The following SDK1 variants were observed in gnomAD, a reference collection of about 807,000 sequenced individuals.
SDK1 encodes sidekick cell adhesion molecule 1.
In SDK1, 157 loss-of-function variants were observed where a neutral mutation model predicts 245.5. The observed-to-expected ratio is 0.64, with a 90% CI of 0.56 to 0.73. SDK1 has a LOEUF of 0.73. Among genes scored for constraint, SDK1 ranks in the 30% least tolerant of loss-of-function variants. The pLI is 0.00. For missense variants in SDK1, 3,583 were observed against 3,002.3 expected (o/e 1.19, Z -4.52); for synonymous variants, 1,647 against 1,278.5 (o/e 1.29, Z -6.15).
At chr7:3,543,850 T>C (rs528863366) in intron 1 of SDK1, among the ~76,000 whole-genome samples, 1 of 152,336 alleles carries the variant, frequency 6.6e-6, no homozygotes, top group African/African-American at 2.4e-5. Flanking sequence ...CTTAGTGACT[T>C]CAGAAGACCC....
In SDK1 at chr7:3,644,838, C is replaced by T. The variant is rs932358092; in HGVS notation, c.713+2733C>T. ...GGGGCAGGGGGTGGCAGGCAAGATACATTCTTGTATAAATATTCTAGAAGT... is the reference window on the plus strand; with the variant it reads ...GGGGCAGGGGGTGGCAGGCAAGATATATTCTTGTATAAATATTCTAGAAGT... On this transcript the variant is annotated intron_variant, in intron 4 of 44. Transcript: ENST00000404826. Among the ~76,000 whole-genome samples, 3 of 138,834 alleles carry T rather than the reference C, an allele frequency of 2.2e-5. No individual in the cohort carries two copies. The Admixed American group carries it at 2.2e-4, about 10-fold the overall frequency. 91.1% of individuals were successfully genotyped at this position (138,834 alleles called of 152,430 possible).
At chr7:3,493,191 T>C (rs1781916502) in intron 1 of SDK1, among the ~76,000 whole-genome samples, 1 of 152,114 alleles carries the variant, frequency 6.6e-6, no homozygotes, top group African/African-American at 2.4e-5. Context: ...GACCTCATAA[T>C]CCTCACACCT....
rs139392703 is a variant in SDK1 at position 4,124,846 on chromosome 7, G to A, written c.3824-2535G>A. ...GATGAGTGAATGGATGGATGGATAG[G>A]TGATGGGCGAATGGATGGATGGGTG... On this transcript the variant is annotated intron_variant, in intron 25 of 44. Transcript: ENST00000404826. Among the ~76,000 whole-genome samples the A allele has an allele frequency of 2.1e-3, 315 of 151,958 alleles. 1 individual carries two copies. The highest frequency in any genetic ancestry group is 1.1e-3 in the Non-Finnish European group (76 of 67,948).
At chr7:3,948,118 A>C (rs535468823) in intron 5 of SDK1, among the ~76,000 whole-genome samples, 1 of 152,264 alleles carries the variant, frequency 6.6e-6, no homozygotes, top group African/African-American at 2.4e-5. Context: ...ATTCTACTGA[A>C]ATGTTTTTGT....
chr7:3,387,332 C>G (rs1336375459), intron 1 of SDK1, among the ~76,000 whole-genome samples: 1 of 152,114 alleles, frequency 6.6e-6, no homozygotes, highest in African/African-American at 2.4e-5. Flanking sequence ...TTAGAGATTC[C>G]TCATCTCCTC....
At chr7:3,937,602 A>G (rs1432986728) in intron 5 of SDK1, among the ~76,000 whole-genome samples, 1 of 152,130 alleles carries the variant, frequency 6.6e-6, no homozygotes, top group Non-Finnish European at 1.5e-5. Context: ...AATCTTAGCC[A>G]CTCTGCCTAG....
chr7:3,924,442 C>T (rs1205497744), intron 5 of SDK1, among the ~76,000 whole-genome samples: 1 of 152,154 alleles, frequency 6.6e-6, no homozygotes, highest in East Asian at 1.9e-4. Flanking sequence ...CTGAGCACGT[C>T]GTGGTGACGG....
rs73673252 is a variant in SDK1 at position 4,026,738 on chromosome 7, G to A, written c.2602+9386G>A. Reference sequence around the variant, plus strand: ...TGTTTAATGCAGTGAGAACCTTCAGGTCTATCAAAACTGCAAGCACCATAA... The same window carrying A: ...TGTTTAATGCAGTGAGAACCTTCAGATCTATCAAAACTGCAAGCACCATAA... On this transcript the variant is annotated intron_variant, in intron 17 of 44. Transcript: ENST00000404826. This position sits in a 1 kb window ranked among gnomAD's most constrained non-coding sequence, Gnocchi z 4.1. Among the ~76,000 whole-genome samples the A allele has an allele frequency of 1.3e-5, 2 of 152,264 alleles. No individual in the cohort carries two copies. The highest frequency in any genetic ancestry group is 3.9e-4 in the East Asian group (2 of 5,180).
intron 4 of SDK1, among the ~76,000 whole-genome samples, chr7:3,702,320 A>T (rs957295687): frequency 1.3e-5 from 2 of 152,176 alleles, no homozygotes; most frequent in African/African-American, 4.8e-5. Context: ...AAGACGAGAC[A>T]TTTTACTATT....
chr7:3,698,692 G>C (rs1199843664), intron 4 of SDK1, among the ~76,000 whole-genome samples: 1 of 152,112 alleles, frequency 6.6e-6, no homozygotes, highest in Non-Finnish European at 1.5e-5. Context: ...TCTTGGTGAG[G>C]GCTTTCTTCC....
chr7:3,328,256 TGTG>T (rs1451540250), intron 1 of SDK1, among the ~76,000 whole-genome samples: 5 of 152,130 alleles, frequency 3.3e-5, no homozygotes, highest in Admixed American at 1.3e-4. Flanking sequence ...ATTAGTATAT[TGTG>T]GTGTTATTTT....
chr7:4,011,682 G>C (rs1428839284), intron 15 of SDK1, among the ~76,000 whole-genome samples: 1 of 152,234 alleles, frequency 6.6e-6, no homozygotes, highest in East Asian at 1.9e-4. Flanking sequence ...TTGTAGAACA[G>C]CTGAGCTGTA....
At chr7:4,057,315 G>T (rs1167827668) in intron 19 of SDK1, among the ~76,000 whole-genome samples, 2 of 152,106 alleles carry the variant, frequency 1.3e-5, no homozygotes, top group African/African-American at 4.8e-5. Flanking sequence ...ACCCTGCCCT[G>T]TCCACCACTA....
chr7:3,625,241 A>G (rs940671295), intron 2 of SDK1, among the ~76,000 whole-genome samples: 1 of 152,224 alleles, frequency 6.6e-6, no homozygotes, highest in African/African-American at 2.4e-5. Flanking sequence ...AGAAAGTACA[A>G]AAGCATTGAG....
intron 13 of SDK1, among the ~76,000 whole-genome samples, chr7:3,986,934 C>A (rs924459995): frequency 4.3e-4 from 66 of 152,214 alleles, no homozygotes; most frequent in African/African-American, 1.6e-3. Context: ...AGCGTCAGTA[C>A]TTGTTTTGGT....
At chr7:3,348,799 G>A (rs1304902602) in intron 1 of SDK1, among the ~76,000 whole-genome samples, 3 of 152,156 alleles carry the variant, frequency 2.0e-5, no homozygotes, top group African/African-American at 4.8e-5. Flanking sequence ...AAAGTGCCAA[G>A]TACTATGCCT....
chr7:3,319,794 A>G (rs901986991), intron 1 of SDK1, among the ~76,000 whole-genome samples: 1 of 145,782 alleles, frequency 6.9e-6, no homozygotes, highest in Non-Finnish European at 1.5e-5. Flanking sequence ...CTGTTTAAGG[A>G]TTTCACTTTA....
At position 3,464,723 on chromosome 7, in the gene SDK1, C is replaced by G. The variant is rs1583896682; in HGVS notation, c.299-154357C>G. Reference sequence around the variant, plus strand: ...GTATATATATATATATATACACACACACACATATAAAGTACTTTGGCAGAA... The same window carrying G: ...GTATATATATATATATATACACACAGACACATATAAAGTACTTTGGCAGAA... On this transcript the variant is annotated intron_variant, in intron 1 of 44. Coordinates refer to ENST00000404826, the MANE Select transcript of SDK1 (RefSeq NM_152744.4). Among the ~76,000 whole-genome samples, 4 of 143,584 alleles carry G rather than the reference C, an allele frequency of 2.8e-5. No individual in the cohort carries two copies. The South Asian group carries it at 8.4e-4, about 30-fold the overall frequency. The allele number at this position is 143,584 out of a possible 152,430, so 94.2% of individuals were successfully genotyped here.
intron 7 of SDK1, among the ~76,000 whole-genome samples, chr7:3,952,430 A>G (rs1352768635): frequency 6.6e-6 from 1 of 152,108 alleles, no homozygotes; most frequent in Non-Finnish European, 1.5e-5. Context: ...TAAAAATACA[A>G]ACATCAGCTG....
Sources: gnomAD v4.1 joint callset for allele counts (sites outside exome capture counted in the v4.1 genomes callset) on GRCh38, gnomAD v4.1.1 for gene constraint, Gnocchi (gnomAD v3.1) non-coding constraint, MANE v1.5 for transcripts, NCBI Gene and HGNC (gene_info 2026-07-23, HGNC 2026-07-21) for gene names.